Variants in CLNK observed in about 807,000 individuals in gnomAD.
CLNK encodes the protein cytokine-dependent hematopoietic cell linker.
A neutral mutation model predicts 68.6 loss-of-function variants in CLNK; 74 were observed. The observed-to-expected ratio is 1.08, with a 90% CI of 0.89 to 1.31. The LOEUF is 1.31. Among genes scored for constraint, CLNK ranks in the 50% most tolerant of loss-of-function variants. The probability of loss-of-function intolerance (pLI) is 0.00; values close to 1 mark genes in which losing one functional copy is unlikely to be tolerated. For synonymous variants in CLNK, 198 were observed against 172.2 expected (o/e 1.15, Z -1.17); for missense variants, 553 against 515.3 (o/e 1.07, Z -0.71).
the CLNK span, among the ~76,000 whole-genome samples, chr4:10,713,723 A>G: frequency 2.0e-5 from 3 of 152,062 alleles, no homozygotes; most frequent in African/African-American, 7.2e-5. Context: ...TTCTTAGTTC[A>G]TGTGAAAGCG....
At position 10,566,162 on chromosome 4, in the gene CLNK, G is replaced by T. The variant is rs1429307085; in HGVS notation, c.151-12C>A. ...GCAAAGTTTCTTTCCTAAGCAGGTG[G>T]TAACATTCCAGTGAGTCAAAGGAAG... On this transcript the variant is annotated splice_polypyrimidine_tract_variant and intron_variant, in intron 5 of 18. Coordinates refer to ENST00000226951, the MANE Select transcript of CLNK (RefSeq NM_052964.4). 6.2e-7 allele frequency: 1 copy of T among 1,613,062 alleles called. No homozygotes were observed. Among genetic ancestry groups the T allele is most frequent in the South Asian group, 1.1e-5 (1 of 90,962 alleles).
intron 2 of CLNK, among the ~76,000 whole-genome samples, chr4:10,625,345 C>T (rs1417152158): frequency 6.6e-6 from 1 of 152,174 alleles, no homozygotes; most frequent in African/African-American, 2.4e-5. Flanking sequence ...AGGCTGACAC[C>T]ACGGGGAGGT....
At chr4:10,550,494 C>A (rs895431858) in intron 8 of CLNK, among the ~76,000 whole-genome samples, 5 of 151,484 alleles carry the variant, frequency 3.3e-5, no homozygotes, top group Admixed American at 6.6e-5. Flanking sequence ...GACTCTGTCT[C>A]AAAAAAAATA....
intron 2 of CLNK, among the ~76,000 whole-genome samples, chr4:10,650,653 T>C (rs1432075178): frequency 6.6e-6 from 1 of 152,182 alleles, no homozygotes; most frequent in Non-Finnish European, 1.5e-5. Flanking sequence ...GAAGTTATCA[T>C]TGTAAGAAAA....
intron 5 of CLNK, among the ~76,000 whole-genome samples, chr4:10,568,882 A>T (rs1040051761): frequency 5.3e-5 from 8 of 152,230 alleles, no homozygotes. Flanking sequence ...CAAGCTGCCA[A>T]ATCTGTGGGG....
intron 3 of CLNK, among the ~76,000 whole-genome samples, chr4:10,590,208 A>C (rs1293490651): frequency 1.3e-5 from 2 of 152,228 alleles, no homozygotes; most frequent in Non-Finnish European, 2.9e-5. Context: ...AATTATTTTT[A>C]ATTTGTAATA....
intron 7 of CLNK, among the ~76,000 whole-genome samples, chr4:10,562,567 G>A (rs1270083269): frequency 3.3e-5 from 5 of 152,038 alleles, no homozygotes; most frequent in Non-Finnish European, 7.4e-5. Flanking sequence ...CACCACACCC[G>A]GCTAATTTTT....
At chr4:10,512,221 A>G (rs1282234053) in intron 16 of CLNK, among the ~76,000 whole-genome samples, 20 of 151,954 alleles carry the variant, frequency 1.3e-4, no homozygotes, top group Non-Finnish European at 2.2e-4. Flanking sequence ...GGACAATAAA[A>G]GAAGGATATG....
chr4:10,638,921 T>A (rs551380185), intron 2 of CLNK, among the ~76,000 whole-genome samples: 9 of 152,326 alleles, frequency 5.9e-5, no homozygotes, highest in Non-Finnish European at 1.0e-4. Flanking sequence ...AGGACATCAG[T>A]CACATTGGCT....
chr4:10,705,718 T>A, the CLNK span, among the ~76,000 whole-genome samples: 1 of 152,246 alleles, frequency 6.6e-6, no homozygotes, highest in African/African-American at 2.4e-5. Flanking sequence ...GTCAGTTGAT[T>A]AGCACCCTGA....
At chr4:10,622,703 T>A (rs2531202) in intron 2 of CLNK, among the ~76,000 whole-genome samples, 145,875 of 152,338 alleles carry the variant, frequency 0.96, 70,047 homozygotes, top group East Asian at 1. Flanking sequence ...GTATATAACA[T>A]TGATTTTTAT....
rs374903492 is a variant in CLNK at position 10,522,074 on chromosome 4, C to T, written c.732-1243G>A. ...GAGATCGAGACCATCCTGGCTAACA[C>T]GGTGAAATCCCGTCTCTACTAAAAA... is the stretch of plus-strand genomic sequence containing the variant. On this transcript the variant is annotated intron_variant, in intron 14 of 18. Coordinates refer to ENST00000226951, the MANE Select transcript of CLNK (RefSeq NM_052964.4). Among the ~76,000 whole-genome samples, 34 of 151,770 alleles carry T rather than the reference C, an allele frequency of 2.2e-4. No homozygotes were observed. The East Asian group carries it at 5.4e-3, about 24-fold the overall frequency.
intron 2 of CLNK, among the ~76,000 whole-genome samples, chr4:10,627,753 T>C (rs556004678): frequency 6.6e-6 from 1 of 152,294 alleles, no homozygotes; most frequent in Non-Finnish European, 1.5e-5. Context: ...GGCTTGGTGA[T>C]GTCTGAGAGG....
intron 7 of CLNK, among the ~76,000 whole-genome samples, chr4:10,559,703 C>T (rs189999108): frequency 6.6e-6 from 1 of 152,258 alleles, no homozygotes; most frequent in East Asian, 1.9e-4. Flanking sequence ...ACAGGATTCC[C>T]CGGCCCAGGA....
the CLNK span, among the ~76,000 whole-genome samples, chr4:10,698,162 G>A: frequency 6.6e-6 from 1 of 152,140 alleles, no homozygotes. Context: ...ATAGTCATGT[G>A]TCTGTAAATT....
chr4:10,727,798 A>G, the CLNK span, among the ~76,000 whole-genome samples: 1 of 152,238 alleles, frequency 6.6e-6, no homozygotes, highest in African/African-American at 2.4e-5. Flanking sequence ...GAGAAGAAAT[A>G]AACTAGAACA....
At chr4:10,558,354 C>T (rs1719756350) in intron 8 of CLNK, 53 bp downstream of exon 8, 2 of 1,508,582 alleles carry the variant, frequency 1.3e-6, no homozygotes, top group East Asian at 2.3e-5. Context: ...ATCTTAGAAG[C>T]AAAATAGATG....
intron 12 of CLNK, among the ~76,000 whole-genome samples, chr4:10,530,463 A>G (rs1387904103): frequency 6.6e-6 from 1 of 152,172 alleles, no homozygotes; most frequent in African/African-American, 2.4e-5. Flanking sequence ...AGCCTAAACA[A>G]ACAATGGGGA....
rs541789917 is a variant in CLNK, at chr4:10,528,796, C to T, written c.631-702G>A. On this transcript the variant is annotated intron_variant, in intron 12 of 18. Coordinates refer to ENST00000226951, the MANE Select transcript of CLNK (RefSeq NM_052964.4). ...AGGTTGTACTTAAGCAATAAGGCTA[C>T]GGTTAATTTTTTCTTTATACTTGCT... Among the ~76,000 whole-genome samples the T allele has an allele frequency of 2.2e-4, 33 of 152,206 alleles. No homozygotes were observed. In the East Asian group the frequency reaches 3.3e-3, roughly 15 times the overall value.
Sources: gnomAD v4.1 joint callset for allele counts (sites outside exome capture counted in the v4.1 genomes callset) on GRCh38, gnomAD v4.1.1 for gene constraint, MANE v1.5 for transcripts, NCBI Gene and HGNC (gene_info 2026-07-23, HGNC 2026-07-21) for gene names.